Variants in RXRA observed in about 807,000 individuals in gnomAD.
The protein encoded by RXRA is retinoid X receptor alpha.
RXRA carries 5 observed loss-of-function variants against 44.5 expected under a neutral mutation model. The ratio of observed to expected loss-of-function variants is 0.11; its 90% CI spans 0.06 to 0.24. The LOEUF (loss-of-function observed/expected upper bound fraction) is 0.24, where lower values mean the gene tolerates loss of function less well. Ranked by LOEUF, RXRA falls within the 10% of genes least tolerant of loss-of-function variation. The pLI is 1.00. For synonymous variants in RXRA, 291 were observed against 271.4 expected, an observed-to-expected ratio of 1.07 and a Z score of -0.71; for missense variants, 412 against 646.5, an observed-to-expected ratio of 0.64 and a Z score of 3.93.
At chr9:134,409,823 T>C (rs1470977177) in intron 4 of RXRA, among the ~76,000 whole-genome samples, 1 of 152,144 alleles carries the variant, frequency 6.6e-6, no homozygotes, top group African/African-American at 2.4e-5. Context: ...TCCCATCGGG[T>C]CCCGTGCCCT....
intron 9 of RXRA, 87 bp downstream of exon 9, chr9:134,434,294 T>C (rs1831580243): frequency 3.1e-6 from 3 of 965,034 alleles, no homozygotes; most frequent in African/African-American, 1.6e-5. Context: ...TTTATGTGAA[T>C]GAGAAGGTGG....
At position 134,417,770 on chromosome 9, in the gene RXRA, C is replaced by T. The variant is rs1055062783; in HGVS notation, c.780+443C>T. Among the ~76,000 whole-genome samples, 1 of 152,120 alleles carries T rather than the reference C, an allele frequency of 6.6e-6. No homozygotes were observed. Among genetic ancestry groups the T allele is most frequent in the South Asian group, 2.1e-4 (1 of 4,828 alleles). On this transcript the variant is annotated intron_variant, in intron 5 of 9. Coordinates refer to ENST00000481739, the MANE Select transcript of RXRA (RefSeq NM_002957.6). The surrounding 1 kb of genome is among the most constrained non-coding windows in gnomAD (Gnocchi z 6.1). ...AGGTTGGTTCCAGGGCTGGCTCTGC[C>T]AGCAGCCGTGTGGCCCTGGGCAGGT...
chr9:134,387,054 T>G (rs896745698), intron 1 of RXRA, among the ~76,000 whole-genome samples: 6 of 152,210 alleles, frequency 3.9e-5, no homozygotes, highest in African/African-American at 1.4e-4. Flanking sequence ...AGCCTCTGCC[T>G]GCCCTGGGCC....
Position 134,401,639 on chromosome 9 carries a change from C to G in RXRA, c.36C>G (p.Ser12=), listed in dbSNP as rs779418800. 5.0e-6 allele frequency: 8 copies of G among 1,612,942 alleles called. No homozygotes were observed. The East Asian group carries it at 1.8e-4, about 36-fold the overall frequency. ...CGGCTTCTTGTCTTGCAGATTTCTC[C>G]ACCCAGGTGAACTCCTCCCTCACCT... ...DTKHFLPLDF[S]TQVNSSLTSP... Residue 12 remains serine, a synonymous_variant, in exon 2 of 10, where the codon TCC becomes TCG. Transcript: ENST00000481739.
intron 1 of RXRA, among the ~76,000 whole-genome samples, chr9:134,329,103 A>G (rs1005385416): frequency 2.0e-5 from 3 of 152,352 alleles, no homozygotes; most frequent in African/African-American, 7.2e-5. Context: ...AAGGTCTCAG[A>G]CCACACCAGA....
chr9:134,357,620 C>T (rs1183669822), intron 1 of RXRA, among the ~76,000 whole-genome samples: 1 of 152,072 alleles, frequency 6.6e-6, no homozygotes, highest in Non-Finnish European at 1.5e-5. Context: ...GCCAAGGGTT[C>T]GGCTGTGGTT....
rs552199351 is a variant in RXRA at position 134,414,618 on chromosome 9, C to T, written c.611-2540C>T. Among the ~76,000 whole-genome samples, 3 of 152,364 alleles carry T rather than the reference C, an allele frequency of 2.0e-5. No individual in the cohort carries two copies. The East Asian group carries it at 5.8e-4, about 29-fold the overall frequency. ...AGGGCCTGCAGCTTTAGGCTGCTCACTGTCTTGAGCGCTCAGCCCTGCCCC... is the reference window on the plus strand; with the variant it reads ...AGGGCCTGCAGCTTTAGGCTGCTCATTGTCTTGAGCGCTCAGCCCTGCCCC... On this transcript the variant is annotated intron_variant, in intron 4 of 9. Coordinates refer to ENST00000481739, the MANE Select transcript of RXRA (RefSeq NM_002957.6).
chr9:134,348,965 C>T (rs144318520), intron 1 of RXRA, among the ~76,000 whole-genome samples: 204 of 152,324 alleles, frequency 1.3e-3, no homozygotes, highest in African/African-American at 4.5e-3. Context: ...CGTGGCGTTG[C>T]GCCAGCTGGG....
intron 4 of RXRA, among the ~76,000 whole-genome samples, chr9:134,414,924 C>T (rs1483366980): frequency 2.6e-5 from 4 of 152,162 alleles, no homozygotes; most frequent in Admixed American, 6.5e-5. Flanking sequence ...GGATGAGCAC[C>T]GCCCTCTGGA....
In RXRA at chr9:134,439,092, C is replaced by T. The variant is rs900923555; in HGVS notation, c.*2478C>T. On this transcript the variant is annotated 3_prime_UTR_variant, in exon 10 of 10. Coordinates refer to ENST00000481739, the MANE Select transcript of RXRA (RefSeq NM_002957.6). ...AGGTAGAATTTCTATTTAACCAGACCTGTAGTAGTATTACCAATCCAGTTC... is the reference window on the plus strand; with the variant it reads ...AGGTAGAATTTCTATTTAACCAGACTTGTAGTAGTATTACCAATCCAGTTC... The T allele has an allele frequency of 6.6e-6, 1 of 152,270 alleles. No individual in the cohort carries two copies. The highest frequency in any genetic ancestry group is 2.4e-5 in the African/African-American group (1 of 41,468). The allele number at this position is 152,270 out of a possible 1,614,324, so 9.4% of individuals were successfully genotyped here. A position where few individuals can be genotyped will look rare whatever the true frequency, so the allele number is the denominator to read the frequency against.
chr9:134,357,781 G>A (rs1018748639), intron 1 of RXRA, among the ~76,000 whole-genome samples: 4 of 152,216 alleles, frequency 2.6e-5, no homozygotes, highest in Non-Finnish European at 5.9e-5. Context: ...GGGAAATTAC[G>A]TGTTCTTAGA....
rs1286372463 is a variant in RXRA, at chr9:134,417,291, C to T, written c.744C>T (p.Thr248=). 3 of 1,613,858 alleles carry T rather than the reference C, an allele frequency of 1.9e-6. No homozygotes were observed. Among genetic ancestry groups the T allele is most frequent in the East Asian group, 2.2e-5 (1 of 44,886 alleles). The change falls in exon 5 of 10, where the codon ACC becomes ACT. Residue 248 remains threonine (T), a synonymous_variant. Transcript: ENST00000481739. This position sits in a 1 kb window ranked among gnomAD's most constrained non-coding sequence, Gnocchi z 6.1. ...TGGCCGTGGAGCCCAAGACCGAGACCTACGTGGAGGCAAACATGGGGCTGA... is the reference window on the plus strand; with the variant it reads ...TGGCCGTGGAGCCCAAGACCGAGACTTACGTGGAGGCAAACATGGGGCTGA... ...AELAVEPKTE[T]YVEANMGLNP...
At chr9:134,396,649 C>T (rs1258282875) in intron 1 of RXRA, among the ~76,000 whole-genome samples, 2 of 152,124 alleles carry the variant, frequency 1.3e-5, no homozygotes, top group Non-Finnish European at 2.9e-5. Flanking sequence ...GCTCCTCCCT[C>T]CTCCCGGGCA....
In RXRA at chr9:134,401,826, C is replaced by T. The variant is rs1257827609; in HGVS notation, c.223C>T (p.His75Tyr). Reference protein sequence around the residue: ...FSVISSPMGPHSMSVPTTPTL... With the variant: ...FSVISSPMGPYSMSVPTTPTL... The stretch of plus-strand genomic sequence containing the variant: ...GGTCATCAGCTCCCCCATGGGCCCC[C>T]ACTCCATGTCGGTGCCCACCACACC... The change falls in exon 2 of 10, where the codon CAC becomes TAC. Residue 75 changes from histidine to tyrosine, a missense_variant. By Grantham distance (83) the His-to-Tyr change is moderately conservative (BLOSUM62 2). This residue lies in a region of RXRA where 156 missense variants were observed against 177.2 expected (regional missense o/e 0.88). Coordinates refer to ENST00000481739, the MANE Select transcript of RXRA (RefSeq NM_002957.6). The T allele has an allele frequency of 6.2e-7, 1 of 1,612,676 alleles. No homozygotes were observed. The highest frequency in any genetic ancestry group is 1.7e-5 in the Admixed American group (1 of 60,012).
At chr9:134,422,771 G>T (rs1003311613) in intron 6 of RXRA, 27 of 985,370 alleles carry the variant, frequency 2.7e-5, no homozygotes, top group Admixed American at 1.2e-4. Context: ...CTCATAAGGA[G>T]GTGTACCATG....
At chr9:134,387,984 C>T (rs922963593) in intron 1 of RXRA, among the ~76,000 whole-genome samples, 3 of 152,094 alleles carry the variant, frequency 2.0e-5, no homozygotes, top group South Asian at 2.1e-4. Flanking sequence ...CAGATCCCTT[C>T]GGCAGCTCTT....
At chr9:134,390,787 C>T (rs377419636) in intron 1 of RXRA, among the ~76,000 whole-genome samples, 13 of 152,064 alleles carry the variant, frequency 8.5e-5, no homozygotes, top group South Asian at 4.1e-4. Flanking sequence ...CCCTGTCCCC[C>T]GTCTGCAGAT....
At chr9:134,339,498 TGTGA>T (rs1410756010) in intron 1 of RXRA, among the ~76,000 whole-genome samples, 9 of 151,232 alleles carry the variant, frequency 6.0e-5, no homozygotes, top group African/African-American at 1.2e-4. Flanking sequence ...CACGCCCTTG[TGTGA>T]GTGTGTGTGA....
At chr9:134,379,104 G>A (rs976105555) in intron 1 of RXRA, among the ~76,000 whole-genome samples, 1 of 152,210 alleles carries the variant, frequency 6.6e-6, no homozygotes, top group African/African-American at 2.4e-5. Context: ...AGCCCAGCCT[G>A]TGGGGCCACC....
Sources: gnomAD v4.1 joint callset for allele counts (sites outside exome capture counted in the v4.1 genomes callset) on GRCh38, gnomAD v4.1.1 for gene constraint, gnomAD v4.1.1 regional missense constraint, Gnocchi (gnomAD v3.1) non-coding constraint, MANE v1.5 for transcripts, NCBI Gene and HGNC (gene_info 2026-07-23, HGNC 2026-07-21) for gene names.